Variants in NCKAP5 observed in about 807,000 individuals in gnomAD.
The protein encoded by NCKAP5 is NCK associated protein 5.
Under a neutral mutation model 167.0 loss-of-function variants are expected in NCKAP5, and 92 were observed. The ratio of observed to expected loss-of-function variants is 0.55; its 90% CI spans 0.47 to 0.66. NCKAP5 has a LOEUF of 0.66. Among genes scored for constraint, NCKAP5 ranks in the 30% least tolerant of loss-of-function variants. The probability of loss-of-function intolerance (pLI) is 0.00; values close to 1 mark genes in which losing one functional copy is unlikely to be tolerated. For missense variants in NCKAP5, 2,378 were observed against 2,315.0 expected, an observed-to-expected ratio of 1.03 and a Z score of -0.56; for synonymous variants, 891 against 877.4, an observed-to-expected ratio of 1.02 and a Z score of -0.27.
chr2:133,339,748 A>G (rs1219067816), intron 3 of NCKAP5, among the ~76,000 whole-genome samples: 3 of 152,234 alleles, frequency 2.0e-5, no homozygotes, highest in African/African-American at 7.2e-5. Context: ...ATGCATGTTA[A>G]CTTTGGGGAA....
At chr2:133,541,583 G>T (rs1686230185) in intron 2 of NCKAP5, among the ~76,000 whole-genome samples, 1 of 152,014 alleles carries the variant, frequency 6.6e-6, no homozygotes, top group African/African-American at 2.4e-5. Flanking sequence ...GTGGACTGGA[G>T]GCAAAGAAAG....
At chr2:133,430,309 C>T (rs956714530) in intron 3 of NCKAP5, among the ~76,000 whole-genome samples, 1 of 152,034 alleles carries the variant, frequency 6.6e-6, no homozygotes, top group Non-Finnish European at 1.5e-5. Context: ...AATATTTTCT[C>T]CCAATGTGTA....
At chr2:133,507,355 C>A (rs1256082276) in intron 3 of NCKAP5, among the ~76,000 whole-genome samples, 2 of 152,200 alleles carry the variant, frequency 1.3e-5, no homozygotes, top group Non-Finnish European at 2.9e-5. Flanking sequence ...TGCATGAGAG[C>A]AGTCAACGAA....
chr2:133,330,244 A>ATTTTTTTT (rs765058418), intron 3 of NCKAP5, among the ~76,000 whole-genome samples: 13 of 88,150 alleles, frequency 1.5e-4, no homozygotes, highest in African/African-American at 2.2e-4. Flanking sequence ...TATTTTTTGT[A>ATTTTTTTT]TTTTTTTTTT....
At chr2:133,222,260 T>A (rs1450684179) in intron 4 of NCKAP5, among the ~76,000 whole-genome samples, 1 of 152,058 alleles carries the variant, frequency 6.6e-6, no homozygotes. Flanking sequence ...ATATATTAAT[T>A]TAAAATAGCA....
At chr2:132,773,415 C>T (rs1320750156) in intron 16 of NCKAP5, among the ~76,000 whole-genome samples, 1 of 152,146 alleles carries the variant, frequency 6.6e-6, no homozygotes, top group Non-Finnish European at 1.5e-5. Flanking sequence ...TTTTGGCAAA[C>T]CGTATTTTCT....
chr2:132,999,507 GA>G (rs1438662749), intron 6 of NCKAP5, among the ~76,000 whole-genome samples: 1 of 152,172 alleles, frequency 6.6e-6, no homozygotes, highest in Non-Finnish European at 1.5e-5. Flanking sequence ...GACACCAAAG[GA>G]AGATCTTTCT....
In NCKAP5 at chr2:133,327,595, A is replaced by G. The variant is rs572514204; in HGVS notation, c.70-24485T>C. 2.1e-3 allele frequency among the ~76,000 whole-genome samples: 318 copies of G among 152,294 alleles called. 3 individuals are homozygous for G. The highest frequency in any genetic ancestry group is 6.8e-3 in the African/African-American group (283 of 41,560). ...GCAAGAACAGTGTTAGTAATGGAAGAAAGGAATAAAAATGATAACCCTGTC... is the reference window on the plus strand; with the variant it reads ...GCAAGAACAGTGTTAGTAATGGAAGGAAGGAATAAAAATGATAACCCTGTC... On this transcript the variant is annotated intron_variant, in intron 3 of 19. Transcript: ENST00000409261.
chr2:133,376,025 C>T (rs1686121494), intron 3 of NCKAP5, among the ~76,000 whole-genome samples: 1 of 152,110 alleles, frequency 6.6e-6, no homozygotes, highest in Non-Finnish European at 1.5e-5. Context: ...AAATGCCTGG[C>T]TAGGTGTACA....
intron 4 of NCKAP5, among the ~76,000 whole-genome samples, chr2:133,255,898 A>G (rs943261731): frequency 1.3e-5 from 2 of 152,210 alleles, no homozygotes; most frequent in Admixed American, 6.5e-5. Flanking sequence ...GTGCAAACTC[A>G]TAAGTATGAA....
intron 3 of NCKAP5, among the ~76,000 whole-genome samples, chr2:133,506,790 G>C (rs1271059969): frequency 1.3e-5 from 2 of 152,068 alleles, no homozygotes; most frequent in African/African-American, 4.8e-5. Context: ...TCCAGTACCT[G>C]GCATGAGTGT....
At chr2:132,701,523 ACTGCTGCTG>A (rs142983300) in intron 19 of NCKAP5, among the ~76,000 whole-genome samples, 12 of 151,558 alleles carry the variant, frequency 7.9e-5, no homozygotes, top group African/African-American at 2.9e-4. Flanking sequence ...TACATCAGAT[ACTGCTGCTG>A]CTGCTGCTGC....
intron 3 of NCKAP5, among the ~76,000 whole-genome samples, chr2:133,436,750 C>A (rs1440230803): frequency 6.6e-6 from 1 of 152,150 alleles, no homozygotes; most frequent in Non-Finnish European, 1.5e-5. Context: ...ATTCTCTGTA[C>A]ATTGAACATC....
intron 3 of NCKAP5, among the ~76,000 whole-genome samples, chr2:133,470,207 G>C (rs1201746179): frequency 6.6e-6 from 1 of 152,120 alleles, no homozygotes; most frequent in African/African-American, 2.4e-5. Context: ...TGTCCTTTCT[G>C]TTTGTTAGTT....
chr2:132,748,491 A>T (rs1679835717), intron 16 of NCKAP5, among the ~76,000 whole-genome samples: 1 of 152,218 alleles, frequency 6.6e-6, no homozygotes, highest in Admixed American at 6.5e-5. Context: ...TAAATGGAGT[A>T]ATTATTTCCA....
At chr2:133,050,972 A>G (rs2079583286) in intron 6 of NCKAP5, among the ~76,000 whole-genome samples, 1 of 152,208 alleles carries the variant, frequency 6.6e-6, no homozygotes, top group African/African-American at 2.4e-5. Flanking sequence ...TCTCAGATGG[A>G]AGTGCTGTTG....
chr2:133,406,596 G>GGGA (rs1574897077), intron 3 of NCKAP5, among the ~76,000 whole-genome samples: 1 of 145,996 alleles, frequency 6.8e-6, no homozygotes, highest in East Asian at 2.0e-4. Flanking sequence ...AAGGAAGGGA[G>GGGA]GGAGGGAGGG....
chr2:133,593,519 T>A, the NCKAP5 span, among the ~76,000 whole-genome samples: 1 of 152,026 alleles, frequency 6.6e-6, no homozygotes, highest in African/African-American at 2.4e-5. Flanking sequence ...ATACTTAAAA[T>A]TTTATTTTTT....
chr2:132,761,741 G>T (rs1681024800), intron 16 of NCKAP5, among the ~76,000 whole-genome samples: 1 of 152,122 alleles, frequency 6.6e-6, no homozygotes, highest in Non-Finnish European at 1.5e-5. Flanking sequence ...TGAAAAATGG[G>T]AAGACTTGCT....
Sources: gnomAD v4.1 joint callset for allele counts (sites outside exome capture counted in the v4.1 genomes callset) on GRCh38, gnomAD v4.1.1 for gene constraint, MANE v1.5 for transcripts, NCBI Gene and HGNC (gene_info 2026-07-23, HGNC 2026-07-21) for gene names.